Variants in ITGA9 observed in about 807,000 individuals in gnomAD.
The protein encoded by ITGA9 is integrin alpha-9.
A neutral mutation model predicts 127.8 loss-of-function variants in ITGA9; 56 were observed. The observed-to-expected ratio is 0.44, with a 90% confidence interval of 0.35 to 0.55. The LOEUF (loss-of-function observed/expected upper bound fraction) is 0.55. ITGA9 is among the 20% of genes least tolerant of loss of function. The probability of loss-of-function intolerance (pLI) is 0.00; values close to 1 mark genes in which losing one functional copy is unlikely to be tolerated. For missense variants in ITGA9, 1,196 were observed against 1,347.1 expected, an observed-to-expected ratio of 0.89 and a Z score of 1.76; for synonymous variants, 508 against 514.5, an observed-to-expected ratio of 0.99 and a Z score of 0.17.
chr3:37,680,257 C>A (rs1362564605), intron 17 of ITGA9, among the ~76,000 whole-genome samples: 1 of 152,194 alleles, frequency 6.6e-6, no homozygotes, highest in Non-Finnish European at 1.5e-5. Flanking sequence ...CATGCTGGCA[C>A]ATCACATTTT....
intron 2 of ITGA9, among the ~76,000 whole-genome samples, chr3:37,471,505 C>A (rs367631455): frequency 1.6e-4 from 24 of 152,258 alleles, no homozygotes; most frequent in African/African-American, 5.8e-4. Context: ...GTTAGCTGGG[C>A]AGGTGCAGGA....
At chr3:37,464,795 G>A (rs1031533169) in intron 1 of ITGA9, among the ~76,000 whole-genome samples, 1 of 152,198 alleles carries the variant, frequency 6.6e-6, no homozygotes, top group East Asian at 1.9e-4. Flanking sequence ...AGCTTATGAG[G>A]CCTTTCAGGT....
intron 26 of ITGA9, among the ~76,000 whole-genome samples, chr3:37,802,824 C>T (rs902112754): frequency 3.3e-5 from 5 of 152,156 alleles, no homozygotes; most frequent in East Asian, 3.9e-4. Context: ...TCACTAGGTA[C>T]GGAGTTAGGA....
At chr3:37,568,630 A>G (rs1699572003) in intron 15 of ITGA9, among the ~76,000 whole-genome samples, 1 of 152,182 alleles carries the variant, frequency 6.6e-6, no homozygotes, top group Middle Eastern at 3.2e-3. Flanking sequence ...CTTCCACCAG[A>G]TACCCTAAGT....
At chr3:37,545,815 G>A (rs1699320798) in intron 15 of ITGA9, among the ~76,000 whole-genome samples, 1 of 152,178 alleles carries the variant, frequency 6.6e-6, no homozygotes, top group African/African-American at 2.4e-5. Flanking sequence ...TGCCCTGCCT[G>A]ACCTTACCTT....
intron 16 of ITGA9, among the ~76,000 whole-genome samples, chr3:37,647,723 C>T (rs1208714082): frequency 6.6e-6 from 1 of 152,006 alleles, no homozygotes; most frequent in African/African-American, 2.4e-5. Flanking sequence ...TGAGATCATA[C>T]AATATTTTTC....
intron 9 of ITGA9, 102 bp from the exon 10 acceptor site, chr3:37,517,402 C>T: frequency 1.1e-6 from 1 of 894,408 alleles, no homozygotes; most frequent in Non-Finnish European, 1.8e-6. Context: ...TGAGTGTGCT[C>T]TAGCAGGGCA....
chr3:37,673,185 C>G (rs1370887373), intron 17 of ITGA9, among the ~76,000 whole-genome samples: 2 of 152,140 alleles, frequency 1.3e-5, no homozygotes, highest in African/African-American at 4.8e-5. Context: ...TGCATGAAAA[C>G]CGACTCCATT....
intron 4 of ITGA9, among the ~76,000 whole-genome samples, chr3:37,491,966 C>T (rs1698678205): frequency 6.6e-6 from 1 of 152,270 alleles, no homozygotes; most frequent in Non-Finnish European, 1.5e-5. Context: ...ATGCTTGTGG[C>T]CTAGGCTGTG....
chr3:37,643,823 G>T (rs1279670026), intron 16 of ITGA9, among the ~76,000 whole-genome samples: 1 of 152,148 alleles, frequency 6.6e-6, no homozygotes, highest in Non-Finnish European at 1.5e-5. Context: ...TAGATGGGGA[G>T]AAGTCTTGCT....
At chr3:37,467,942 C>G (rs577669872) in intron 1 of ITGA9, among the ~76,000 whole-genome samples, 1 of 152,316 alleles carries the variant, frequency 6.6e-6, no homozygotes, top group Admixed American at 6.5e-5. Context: ...GCCGCTACAG[C>G]AAGGGGGAAA....
In ITGA9 at chr3:37,781,985, C is replaced by T. The variant is rs1389117812; in HGVS notation, c.2787+1964C>T. Among the ~76,000 whole-genome samples the T allele has an allele frequency of 2.6e-5, 4 of 152,180 alleles. No homozygotes were observed. The East Asian group carries it at 5.8e-4, about 22-fold the overall frequency. Reference sequence around the variant, plus strand: ...GACTCACACTGCAGTGCTTTCTTCTCCCTTTGTACCTCTCCCTTTATAAAG... The same window carrying T: ...GACTCACACTGCAGTGCTTTCTTCTTCCTTTGTACCTCTCCCTTTATAAAG... On this transcript the variant is annotated intron_variant, in intron 25 of 27. Transcript: ENST00000264741.
intron 23 of ITGA9, among the ~76,000 whole-genome samples, chr3:37,760,666 C>G (rs1020733935): frequency 6.6e-6 from 1 of 151,788 alleles, no homozygotes; most frequent in Non-Finnish European, 1.5e-5. Context: ...CAGAAAAAAA[C>G]AAACAAACAA....
In ITGA9 at chr3:37,741,006, C is replaced by G. The variant is rs1046967064; in HGVS notation, c.2235-724C>G. On this transcript the variant is annotated intron_variant, in intron 20 of 27. Transcript: ENST00000264741. ...TGGCTGTCCATGGATGATGGGTGGT[C>G]CTTTCAGGTGAGACATAGCTGCTGA... Among the ~76,000 whole-genome samples, 6 of 152,248 alleles carry G rather than the reference C, an allele frequency of 3.9e-5. No individual in the cohort carries two copies. The South Asian group carries it at 1.2e-3, about 32-fold the overall frequency.
chr3:37,530,284 T>C, intron 13 of ITGA9, among the ~76,000 whole-genome samples: 1 of 152,176 alleles, frequency 6.6e-6, no homozygotes. Flanking sequence ...GCCTAACTGA[T>C]GTTAGATTTT....
At chr3:37,702,115 G>T (rs1386873296) in intron 18 of ITGA9, among the ~76,000 whole-genome samples, 2 of 152,172 alleles carry the variant, frequency 1.3e-5, no homozygotes, top group Non-Finnish European at 2.9e-5. Flanking sequence ...CCACTTAGAA[G>T]GGCTTAGGGT....
chr3:37,789,040 C>G (rs1052244435), intron 26 of ITGA9, among the ~76,000 whole-genome samples: 5 of 151,916 alleles, frequency 3.3e-5, no homozygotes, highest in African/African-American at 4.8e-5. Flanking sequence ...CTTCTTATTC[C>G]CTGGGGTAGT....
At chr3:37,577,816 A>G (rs1005048644) in intron 15 of ITGA9, among the ~76,000 whole-genome samples, 3 of 152,232 alleles carry the variant, frequency 2.0e-5, no homozygotes, top group Non-Finnish European at 4.4e-5. Context: ...GTGGAAACAG[A>G]AACACATTTT....
In ITGA9 at chr3:37,655,016, A is replaced by G. The variant is rs537834740; in HGVS notation, c.1916+1226A>G. On this transcript the variant is annotated intron_variant, in intron 17 of 27. Coordinates refer to ENST00000264741, the MANE Select transcript of ITGA9 (RefSeq NM_002207.3). ...CTTCATCCATGTCCCTGCAAAGGAC[A>G]TGAACTCATCCTTTTTTATGGCTGC... 2.4e-4 allele frequency among the ~76,000 whole-genome samples: 36 copies of G among 152,350 alleles called. No homozygotes were observed. The South Asian group carries it at 2.9e-3, about 12-fold the overall frequency.
Sources: allele counts gnomAD v4.1 joint callset (sites outside exome capture counted in the v4.1 genomes callset), GRCh38; gene constraint gnomAD v4.1.1; transcripts MANE v1.5; gene names NCBI Gene and HGNC (gene_info 2026-07-23, HGNC 2026-07-21).